Variants in SSBP2 observed in about 807,000 individuals in gnomAD.
SSBP2 encodes single stranded DNA binding protein 2.
A neutral mutation model predicts 61.8 loss-of-function variants in SSBP2; 17 were observed. The observed-to-expected ratio is 0.28, with a 90% CI of 0.19 to 0.41. The LOEUF is 0.41. Among genes scored for constraint, SSBP2 ranks in the 10% least tolerant of loss-of-function variants. The probability of loss-of-function intolerance (pLI) is 1.00; values close to 1 mark genes in which losing one functional copy is unlikely to be tolerated. For synonymous variants in SSBP2, 139 were observed against 141.3 expected (o/e 0.98, Z 0.12); for missense variants, 310 against 458.7 (o/e 0.68, Z 2.96).
At chr5:81,543,015 C>T (rs1771423278) in intron 4 of SSBP2, among the ~76,000 whole-genome samples, 1 of 152,026 alleles carries the variant, frequency 6.6e-6, no homozygotes, top group Non-Finnish European at 1.5e-5. Context: ...CCACCATGCC[C>T]ATTTAATTTT....
intron 4 of SSBP2, among the ~76,000 whole-genome samples, chr5:81,524,147 G>A (rs1353239239): frequency 6.6e-6 from 1 of 151,994 alleles, no homozygotes; most frequent in African/African-American, 2.4e-5. Flanking sequence ...CTCTGTGGTA[G>A]GCAGAATGGC....
chr5:81,460,625 A>T (rs537309412), intron 10 of SSBP2, among the ~76,000 whole-genome samples: 1 of 152,314 alleles, frequency 6.6e-6, no homozygotes, highest in African/African-American at 2.4e-5. Context: ...GCAGCAAGAA[A>T]GCAAACCTAG....
intron 15 of SSBP2, among the ~76,000 whole-genome samples, chr5:81,435,041 G>A (rs923509285): frequency 6.6e-6 from 1 of 152,162 alleles, no homozygotes. Flanking sequence ...TTAGAGCCCA[G>A]AGCCAATGAA....
intron 4 of SSBP2, among the ~76,000 whole-genome samples, chr5:81,569,803 C>T (rs1773703524): frequency 6.6e-6 from 1 of 152,134 alleles, no homozygotes; most frequent in Non-Finnish European, 1.5e-5. Context: ...GTCCTAGTCA[C>T]TAGAGAATTT....
rs1761349082 is a variant in SSBP2 at position 81,417,358 on chromosome 5, C to T, written c.*3146G>A. The T allele has an allele frequency of 6.6e-6, 1 of 152,256 alleles. No homozygotes were observed. The highest frequency in any genetic ancestry group is 6.5e-5 in the Admixed American group (1 of 15,284). 9.4% of individuals were successfully genotyped at this position (152,256 alleles called of 1,614,324 possible). ...GTAAGACACGTAGTTAAGAATCATA[C>T]ATACCCTCAGAAAGAATTTGACATG... is the stretch of plus-strand genomic sequence containing the variant. On this transcript the variant is annotated 3_prime_UTR_variant, in exon 17 of 17. Coordinates refer to ENST00000320672, the MANE Select transcript of SSBP2 (RefSeq NM_012446.5).
chr5:81,523,722 G>A (rs944032510), intron 4 of SSBP2, among the ~76,000 whole-genome samples: 2 of 151,966 alleles, frequency 1.3e-5, no homozygotes, highest in South Asian at 2.1e-4. Flanking sequence ...ATAAATCAGC[G>A]TTACAGCCAC....
chr5:81,606,010 G>C (rs1000196240), intron 4 of SSBP2, among the ~76,000 whole-genome samples: 1 of 152,134 alleles, frequency 6.6e-6, no homozygotes, highest in Non-Finnish European at 1.5e-5. Flanking sequence ...CTGAGGAAAG[G>C]CATGAATCAT....
intron 3 of SSBP2, among the ~76,000 whole-genome samples, chr5:81,622,579 C>T (rs1218157627): frequency 6.6e-6 from 1 of 152,190 alleles, no homozygotes; most frequent in African/African-American, 2.4e-5. Flanking sequence ...CATATATGCA[C>T]AGTGTCTGAC....
At chr5:81,487,451 C>G (rs1238738416) in intron 6 of SSBP2, among the ~76,000 whole-genome samples, 1 of 151,996 alleles carries the variant, frequency 6.6e-6, no homozygotes, top group East Asian at 1.9e-4. Context: ...ACAGATCTAT[C>G]TCTTCTAGAA....
rs114397325 is a variant in SSBP2 at position 81,459,341 on chromosome 5, G to A, written c.687+1714C>T. On this transcript the variant is annotated intron_variant, in intron 10 of 16. Transcript: ENST00000320672. ...TGAAACATCCTTGTCAATATCAACC[G>A]CTCAAACCCTGTCCACCTTCCTAGG... Among the ~76,000 whole-genome samples, 592 of 152,148 alleles carry A rather than the reference G, an allele frequency of 3.9e-3. 6 individuals are homozygous for A. The highest frequency in any genetic ancestry group is 0.014 in the African/African-American group (573 of 41,524).
At chr5:81,711,371 G>C (rs1238440284) in intron 1 of SSBP2, among the ~76,000 whole-genome samples, 1 of 151,998 alleles carries the variant, frequency 6.6e-6, no homozygotes, top group Non-Finnish European at 1.5e-5. Context: ...ATTAGTATTT[G>C]ATTTTATCTA....
At chr5:81,589,116 T>G (rs1340855000) in intron 4 of SSBP2, among the ~76,000 whole-genome samples, 1 of 152,090 alleles carries the variant, frequency 6.6e-6, no homozygotes, top group Admixed American at 6.6e-5. Flanking sequence ...CCTGGAAACT[T>G]TCCAACGTAC....
chr5:81,514,889 G>T (rs898189553), intron 4 of SSBP2, among the ~76,000 whole-genome samples: 1 of 151,934 alleles, frequency 6.6e-6, no homozygotes, highest in African/African-American at 2.4e-5. Context: ...TATCTGAAAT[G>T]TTGCTTACCT....
At chr5:81,747,923 T>C (rs184149697) in intron 1 of SSBP2, among the ~76,000 whole-genome samples, 1 of 152,322 alleles carries the variant, frequency 6.6e-6, no homozygotes, top group Admixed American at 6.5e-5. Context: ...AATCACTCCC[T>C]CTATAATTAA....
In SSBP2 at chr5:81,418,798, C is replaced by T. The variant is rs1761434197; in HGVS notation, c.*1706G>A. ...GTATTATAATCTTATAGGACCACTG[C>T]TGTATATGCAGTCTGTGGTTGATTG... is the stretch of plus-strand genomic sequence containing the variant. On this transcript the variant is annotated 3_prime_UTR_variant, in exon 17 of 17. Transcript: ENST00000320672. 1 of 152,186 alleles carries T rather than the reference C, an allele frequency of 6.6e-6. No homozygotes were observed. Among genetic ancestry groups the T allele is most frequent in the African/African-American group, 2.4e-5 (1 of 41,446 alleles). The allele number at this position is 152,186 out of a possible 1,614,324, so 9.4% of individuals were successfully genotyped here. A position where few individuals can be genotyped will look rare whatever the true frequency, so the allele number is the denominator to read the frequency against.
intron 4 of SSBP2, among the ~76,000 whole-genome samples, chr5:81,592,860 C>A (rs190810355): frequency 6.6e-6 from 1 of 152,186 alleles, no homozygotes; most frequent in Non-Finnish European, 1.5e-5. Flanking sequence ...TCATCAAAGA[C>A]CAAAGGTGGA....
chr5:81,459,509 A>C (rs1764395099), intron 10 of SSBP2, among the ~76,000 whole-genome samples: 1 of 152,114 alleles, frequency 6.6e-6, no homozygotes, highest in Non-Finnish European at 1.5e-5. Context: ...GAGGAATAAG[A>C]GAATGGTTTT....
intron 4 of SSBP2, among the ~76,000 whole-genome samples, chr5:81,543,744 T>A (rs939443079): frequency 1.3e-5 from 2 of 152,168 alleles, no homozygotes; most frequent in Non-Finnish European, 2.9e-5. Flanking sequence ...CTACAAATAG[T>A]AGGCATTCAA....
chr5:81,592,987 C>T (rs964776910), intron 4 of SSBP2, among the ~76,000 whole-genome samples: 34 of 152,198 alleles, frequency 2.2e-4, no homozygotes, highest in South Asian at 8.3e-4. Context: ...CAAAGCTGGA[C>T]GGAGAATGAC....
Sources: allele counts gnomAD v4.1 joint callset (sites outside exome capture counted in the v4.1 genomes callset), GRCh38; gene constraint gnomAD v4.1.1; transcripts MANE v1.5; gene names NCBI Gene and HGNC (gene_info 2026-07-23, HGNC 2026-07-21).